Variants in UBAC2 observed in about 807,000 individuals in gnomAD.
UBAC2 encodes UBA domain containing 2.
In UBAC2, 26 loss-of-function variants were observed where a neutral mutation model predicts 44.0. That is an observed-to-expected ratio of 0.59 (90% CI 0.43 to 0.82). The LOEUF (loss-of-function observed/expected upper bound fraction) is 0.82, where lower values mean the gene tolerates loss of function less well. Among genes scored for constraint, UBAC2 ranks in the 40% least tolerant of loss-of-function variants. UBAC2 has a pLI of 0.00. For synonymous variants in UBAC2, 155 were observed against 154.3 expected (o/e 1.00, Z -0.04); for missense variants, 329 against 419.4 (o/e 0.78, Z 1.88).
rs146565476 is a variant in UBAC2, at chr13:99,357,849, A to G, written c.808-9938A>G. 4.2e-3 allele frequency among the ~76,000 whole-genome samples: 636 copies of G among 152,146 alleles called. 5 individuals carry two copies. Among genetic ancestry groups the G allele is most frequent in the African/African-American group, 0.015 (602 of 41,484 alleles). ...ACAGTCTTGGCTAAGAAAACCCCATACGCCTTAACTCAGCAATATGCCTCA... is the reference window on the plus strand; with the variant it reads ...ACAGTCTTGGCTAAGAAAACCCCATGCGCCTTAACTCAGCAATATGCCTCA... On this transcript the variant is annotated intron_variant, in intron 7 of 8. Transcript: ENST00000403766.
intron 8 of UBAC2, among the ~76,000 whole-genome samples, chr13:99,378,882 A>G (rs897741746): frequency 6.6e-6 from 1 of 152,262 alleles, no homozygotes; most frequent in Admixed American, 6.5e-5. Context: ...ATCTAAGAAT[A>G]CCTTGGCCAC....
At chr13:99,373,734 G>A (rs993559732) in intron 8 of UBAC2, among the ~76,000 whole-genome samples, 1 of 152,114 alleles carries the variant, frequency 6.6e-6, no homozygotes, top group Non-Finnish European at 1.5e-5. Flanking sequence ...TGGAGGGCCG[G>A]GGCACTTCTT....
chr13:99,217,654 G>A (rs2043012449), intron 1 of UBAC2, among the ~76,000 whole-genome samples: 1 of 152,226 alleles, frequency 6.6e-6, no homozygotes, highest in African/African-American at 2.4e-5. Flanking sequence ...GCTGATGGGT[G>A]CCCACCCCGC....
intron 4 of UBAC2, chr13:99,255,737 C>T (rs1429725041): frequency 6.2e-7 from 1 of 1,613,934 alleles, no homozygotes; most frequent in South Asian, 1.1e-5. Flanking sequence ...CAACTGAAAA[C>T]CCATAATGCA....
chr13:99,270,631 A>G (rs545147411), intron 4 of UBAC2, among the ~76,000 whole-genome samples: 1 of 152,356 alleles, frequency 6.6e-6, no homozygotes, highest in South Asian at 2.1e-4. Context: ...ACTTAGAAAC[A>G]TAGTTAGATA....
intron 1 of UBAC2, among the ~76,000 whole-genome samples, chr13:99,225,496 T>C (rs895441609): frequency 1.3e-5 from 2 of 152,256 alleles, no homozygotes; most frequent in Non-Finnish European, 2.9e-5. Flanking sequence ...CCTTCCTTTT[T>C]AAGGCTGAAT....
intron 4 of UBAC2, among the ~76,000 whole-genome samples, chr13:99,245,049 G>A (rs2043366373): frequency 1.3e-5 from 2 of 152,086 alleles, no homozygotes; most frequent in East Asian, 1.9e-4. Context: ...GGCCAGGCTG[G>A]TCTTGAACTC....
intron 4 of UBAC2, among the ~76,000 whole-genome samples, chr13:99,272,924 G>T (rs369028428): frequency 6.6e-6 from 1 of 151,638 alleles, no homozygotes; most frequent in East Asian, 1.9e-4. Context: ...CCATTGGTCC[G>T]TGTGTCTGTT....
At chr13:99,204,881 G>T (rs930401687) in intron 1 of UBAC2, among the ~76,000 whole-genome samples, 1 of 149,626 alleles carries the variant, frequency 6.7e-6, no homozygotes, top group Admixed American at 6.7e-5. Context: ...GGCCGCAGGT[G>T]TAAGGGGGAG....
chr13:99,207,210 G>A (rs2142643738), intron 1 of UBAC2, among the ~76,000 whole-genome samples: 1 of 152,346 alleles, frequency 6.6e-6, no homozygotes, highest in East Asian at 1.9e-4. Flanking sequence ...GCAGAGTATA[G>A]AGGTGTAGCA....
At chr13:99,325,627 G>A (rs1405931566) in intron 6 of UBAC2, among the ~76,000 whole-genome samples, 1 of 152,136 alleles carries the variant, frequency 6.6e-6, no homozygotes, top group African/African-American at 2.4e-5. Flanking sequence ...GTTGTGCAGC[G>A]AATCTCTGGA....
At chr13:99,230,853 A>C (rs1176410682) in intron 1 of UBAC2, among the ~76,000 whole-genome samples, 1 of 152,190 alleles carries the variant, frequency 6.6e-6, no homozygotes, top group East Asian at 1.9e-4. Context: ...GTCTGAGACC[A>C]GCCTGGCCAA....
At chr13:99,229,763 T>G (rs2043152226) in intron 1 of UBAC2, among the ~76,000 whole-genome samples, 1 of 152,252 alleles carries the variant, frequency 6.6e-6, no homozygotes, top group Non-Finnish European at 1.5e-5. Context: ...TTGTTAAAAC[T>G]TTAGACTTTC....
rs149374896 is a variant in UBAC2, at chr13:99,381,383, T to C, written c.928-3845T>C. Among the ~76,000 whole-genome samples, 647 of 152,360 alleles carry C rather than the reference T, an allele frequency of 4.2e-3. 5 individuals carry two copies. Among genetic ancestry groups the C allele is most frequent in the African/African-American group, 0.015 (612 of 41,590 alleles). ...GTCATTTGCCAGATCTCCAAATTGC[T>C]GAGTGTGGACAGCAAATGGATTCGT... is the stretch of plus-strand genomic sequence containing the variant. On this transcript the variant is annotated intron_variant, in intron 8 of 8. Transcript: ENST00000403766.
chr13:99,233,856 A>G (rs1204941308), intron 1 of UBAC2, among the ~76,000 whole-genome samples: 4 of 152,194 alleles, frequency 2.6e-5, no homozygotes, highest in Non-Finnish European at 5.9e-5. Flanking sequence ...ATGAAGCGTA[A>G]GTATTTCATT....
chr13:99,240,166 A>AAAATCACT (rs2043283817), intron 2 of UBAC2, among the ~76,000 whole-genome samples: 1 of 152,198 alleles, frequency 6.6e-6, no homozygotes, highest in Admixed American at 6.5e-5. Flanking sequence ...CAGTGAATGC[A>AAAATCACT]GAGGTACAGT....
At chr13:99,331,981 A>C (rs576539221) in intron 6 of UBAC2, among the ~76,000 whole-genome samples, 13 of 152,160 alleles carry the variant, frequency 8.5e-5, no homozygotes, top group Non-Finnish European at 1.8e-4. Flanking sequence ...AGGGCACATG[A>C]AGTCTATGTG....
rs1407066488 is a variant in UBAC2, at chr13:99,337,961, C to T, written c.562-2359C>T. Among the ~76,000 whole-genome samples, 6 of 151,464 alleles carry T rather than the reference C, an allele frequency of 4.0e-5. No homozygotes were observed. In the Middle Eastern group the frequency reaches 0.01, roughly 259 times the overall value. ...ACATTGGAAGAAGAATTGTCTTGGGCCACACATAATATACACTAACACTGA... is the reference window on the plus strand; with the variant it reads ...ACATTGGAAGAAGAATTGTCTTGGGTCACACATAATATACACTAACACTGA... On this transcript the variant is annotated intron_variant, in intron 6 of 8. Transcript: ENST00000403766.
chr13:99,382,944 G>T (rs866916327), intron 8 of UBAC2, among the ~76,000 whole-genome samples: 3 of 152,180 alleles, frequency 2.0e-5, no homozygotes, highest in Non-Finnish European at 4.4e-5. Flanking sequence ...GAAGGAGAGG[G>T]CTGTCACACC....
Sources: allele counts gnomAD v4.1 joint callset (sites outside exome capture counted in the v4.1 genomes callset), GRCh38; gene constraint gnomAD v4.1.1; transcripts MANE v1.5; gene names NCBI Gene and HGNC (gene_info 2026-07-23, HGNC 2026-07-21).